The following NEK7 variants were observed in gnomAD, a reference collection of about 807,000 sequenced individuals.
NEK7 encodes NIMA related kinase 7.
In NEK7, 18 loss-of-function variants were observed where a neutral mutation model predicts 44.6. The observed-to-expected ratio is 0.40, with a 90% CI of 0.28 to 0.60. NEK7 has a LOEUF of 0.60. NEK7 is among the 20% of genes least tolerant of loss of function. NEK7 has a pLI of 0.38. For missense variants in NEK7, 256 were observed against 366.5 expected, an observed-to-expected ratio of 0.70 and a Z score of 2.46; for synonymous variants, 130 against 121.1, an observed-to-expected ratio of 1.07 and a Z score of -0.48.
chr1:198,222,137 C>T (rs544292118), intron 1 of NEK7, among the ~76,000 whole-genome samples: 8 of 151,726 alleles, frequency 5.3e-5, no homozygotes, highest in African/African-American at 1.9e-4. Flanking sequence ...TAATTTTGTT[C>T]TTTTATTTTC....
chr1:198,163,713 T>C (rs182810034), intron 1 of NEK7, among the ~76,000 whole-genome samples: 1 of 152,286 alleles, frequency 6.6e-6, no homozygotes, highest in African/African-American at 2.4e-5. Context: ...TTTCTTATTT[T>C]TCATGGCAAC....
At chr1:198,211,223 C>T (rs1384723333) in intron 1 of NEK7, among the ~76,000 whole-genome samples, 1 of 152,126 alleles carries the variant, frequency 6.6e-6, no homozygotes, top group Non-Finnish European at 1.5e-5. Flanking sequence ...TTTGGATTAT[C>T]ATTTTTAACT....
At chr1:198,277,358 CTTT>C (rs1390161814) in intron 5 of NEK7, among the ~76,000 whole-genome samples, 1 of 151,760 alleles carries the variant, frequency 6.6e-6, no homozygotes, top group African/African-American at 2.4e-5. Context: ...GTGCTGTCAG[CTTT>C]TTGCCTGGGC....
chr1:198,197,883 C>T (rs935959649), intron 1 of NEK7: 1 of 1,056,584 alleles, frequency 9.5e-7, no homozygotes, highest in Admixed American at 1.7e-5. Context: ...ATCTTCTTGT[C>T]CTCTATCACT....
rs553108787 is a variant in NEK7 at position 198,173,549 on chromosome 1, AT to A, written c.-29+16278del. On this transcript the variant is annotated intron_variant, in intron 1 of 9. Transcript: ENST00000367385. ...CTGACTTAAGTATAATATGTGAGGT[AT>A]TTTTCTTGTCAACATAAAATAATAT... 3.6e-3 allele frequency among the ~76,000 whole-genome samples: 547 copies of A among 152,174 alleles called. 1 individual carries two copies. Among genetic ancestry groups the A allele is most frequent in the Non-Finnish European group, 3.7e-3 (250 of 67,990 alleles).
At chr1:198,172,458 CTG>C (rs1182258935) in intron 1 of NEK7, among the ~76,000 whole-genome samples, 3 of 152,332 alleles carry the variant, frequency 2.0e-5, no homozygotes, top group East Asian at 1.9e-4. Context: ...AGTTTTGACT[CTG>C]TAGTTTTTCA....
intron 5 of NEK7, among the ~76,000 whole-genome samples, chr1:198,271,699 G>A (rs1360006764): frequency 1.3e-5 from 2 of 151,660 alleles, no homozygotes; most frequent in African/African-American, 2.4e-5. Flanking sequence ...TCTGGACAAA[G>A]TGTATAGCCC....
intron 2 of NEK7, among the ~76,000 whole-genome samples, chr1:198,239,605 A>G (rs1666630082): frequency 6.6e-6 from 1 of 152,166 alleles, no homozygotes; most frequent in South Asian, 2.1e-4. Flanking sequence ...CATGCTTCTA[A>G]TAATATGCTT....
At chr1:198,293,866 G>C (rs1216456630) in intron 8 of NEK7, among the ~76,000 whole-genome samples, 1 of 151,718 alleles carries the variant, frequency 6.6e-6, no homozygotes. Context: ...CCCTGTGTAG[G>C]AATCATTTTC....
intron 9 of NEK7, among the ~76,000 whole-genome samples, chr1:198,319,036 G>A (rs144153902): frequency 1.9e-3 from 296 of 152,134 alleles, no homozygotes; most frequent in African/African-American, 6.6e-3. Flanking sequence ...GTCTGTTGTA[G>A]TAGATTCTAG....
intron 1 of NEK7, among the ~76,000 whole-genome samples, chr1:198,211,104 A>T (rs1665757360): frequency 6.6e-6 from 1 of 152,228 alleles, no homozygotes; most frequent in Non-Finnish European, 1.5e-5. Flanking sequence ...GGTTGTTAAT[A>T]AAGTTAAGAC....
intron 1 of NEK7, among the ~76,000 whole-genome samples, chr1:198,213,825 T>G (rs1665845758): frequency 6.6e-6 from 1 of 152,168 alleles, no homozygotes; most frequent in African/African-American, 2.4e-5. Flanking sequence ...GATATTGCAT[T>G]TATCACTGGC....
rs375612658 is a variant in NEK7, at chr1:198,193,577, C to T, written c.-29+36301C>T. ...AATCCTCAGTGAAATACTGGCAAAC[C>T]GAATACAGCAGCACATCAAAAAGCT... On this transcript the variant is annotated intron_variant, in intron 1 of 9. Coordinates refer to ENST00000367385, the MANE Select transcript of NEK7 (RefSeq NM_133494.3). 1.7e-3 allele frequency among the ~76,000 whole-genome samples: 257 copies of T among 152,214 alleles called. 1 individual carries two copies. Among genetic ancestry groups the T allele is most frequent in the African/African-American group, 5.7e-3 (237 of 41,540 alleles).
At chr1:198,262,373 AT>A (rs1411714984) in intron 3 of NEK7, among the ~76,000 whole-genome samples, 3 of 151,880 alleles carry the variant, frequency 2.0e-5, no homozygotes, top group African/African-American at 7.2e-5. Context: ...CTCTTTATCC[AT>A]TTTTTAAATA....
At chr1:198,317,881 T>TTG (rs757187317) in intron 9 of NEK7, among the ~76,000 whole-genome samples, 1,544 of 101,500 alleles carry the variant, frequency 0.015, 100 homozygotes, top group African/African-American at 0.066. Context: ...ATATTTATTT[T>TTG]TTTTTTTTTT....
At position 198,319,465 on chromosome 1, in the gene NEK7, C is replaced by G. The variant is rs145454016; in HGVS notation, c.852C>G (p.Asp284Glu). The G allele has an allele frequency of 1.2e-6, 2 of 1,613,088 alleles. No homozygotes were observed. The highest frequency in any genetic ancestry group is 2.7e-5 in the African/African-American group (2 of 74,892). Reference protein sequence around the residue: ...CINPDPEKRPDVTYVYDVAKR... With the variant: ...CINPDPEKRPEVTYVYDVAKR... ...ACCCAGATCCAGAGAAGCGACCAGA[C>G]GTCACCTATGTTTATGACGTAGCAA... Residue 284 changes from aspartate (D) to glutamate (E), a missense_variant, in exon 10 of 10, where the codon GAC becomes GAG. Asp to Glu is a conservative substitution (Grantham distance 45, BLOSUM62 2). Coordinates refer to ENST00000367385, the MANE Select transcript of NEK7 (RefSeq NM_133494.3).
chr1:198,173,788 A>G (rs1055440579), intron 1 of NEK7, among the ~76,000 whole-genome samples: 2 of 152,108 alleles, frequency 1.3e-5, no homozygotes, highest in Non-Finnish European at 2.9e-5. Context: ...TATATAAAAA[A>G]CTTTATAATT....
chr1:198,307,966 G>GA (rs914574583), intron 9 of NEK7, among the ~76,000 whole-genome samples: 2 of 152,048 alleles, frequency 1.3e-5, no homozygotes, highest in Non-Finnish European at 2.9e-5. Flanking sequence ...GACCTGCCTG[G>GA]AAAAAATCAA....
At chr1:198,276,995 T>A (rs1354419367) in intron 5 of NEK7, among the ~76,000 whole-genome samples, 1 of 151,692 alleles carries the variant, frequency 6.6e-6, no homozygotes, top group Admixed American at 6.6e-5. Context: ...TTTGGATAAA[T>A]TGCATTAAAG....
Sources: allele counts gnomAD v4.1 joint callset (sites outside exome capture counted in the v4.1 genomes callset), GRCh38; gene constraint gnomAD v4.1.1; transcripts MANE v1.5; gene names NCBI Gene and HGNC (gene_info 2026-07-23, HGNC 2026-07-21).